NEB: variants seen among roughly 807,000 people sequenced by gnomAD.
NEB encodes the protein nebulin, also known as nemaline myopathy type 2.
In NEB, 512 loss-of-function variants were observed where a neutral mutation model predicts 952.2. The observed-to-expected ratio is 0.54, with a 90% confidence interval of 0.50 to 0.58. NEB has a LOEUF of 0.58. NEB is among the 20% of genes least tolerant of loss of function. The pLI, the probability that NEB is intolerant of heterozygous loss-of-function variation, is 0.00. For missense variants in NEB, 8,428 were observed against 9,231.1 expected (o/e 0.91, Z 3.56); for synonymous variants, 2,900 against 3,149.8 (o/e 0.92, Z 2.66).
At chr2:151,489,222 A>G (rs1209169383) in intron 181 of NEB, among the ~76,000 whole-genome samples, 1 of 152,218 alleles carries the variant, frequency 6.6e-6, no homozygotes, top group Non-Finnish European at 1.5e-5. Flanking sequence ...GATTGTTCAT[A>G]TCAATCCTAA....
intron 168 of NEB, among the ~76,000 whole-genome samples, chr2:151,500,524 A>AGAAG (rs2063622675): frequency 1.3e-5 from 2 of 151,894 alleles, no homozygotes; most frequent in East Asian, 3.9e-4. Flanking sequence ...AAAAAAAATC[A>AGAAG]GAAGGCCTGG....
intron 72 of NEB, 28 bp downstream of exon 72, chr2:151,620,891 G>C: frequency 6.5e-7 from 1 of 1,542,226 alleles, no homozygotes; most frequent in Non-Finnish European, 8.9e-7. Flanking sequence ...ATGATGGTAA[G>C]AAATGTTAGG....
rs375811851 is a variant in NEB, at chr2:151,633,695, C to T, written c.9373G>A (p.Asp3125Asn). The change falls in exon 65 of 182, where the codon GAT becomes AAT. Residue 3125 changes from aspartate to asparagine, a missense_variant. Physicochemically the swap from Asp to Asn is conservative, Grantham distance 23. Coordinates refer to ENST00000397345, the MANE Select transcript of NEB (RefSeq NM_001164508.2). ...TAGGCCTGCCGAGCATGGATGACAT[C>T]GCTCTGGTCAGGCAGGCATGTCCAC... is the stretch of plus-strand genomic sequence containing the variant. ...HEWTCLPDQS[D>N]VIHARQAYDL... 4.0e-5 allele frequency: 64 copies of T among 1,613,702 alleles called. No homozygotes were observed. Among genetic ancestry groups the T allele is most frequent in the African/African-American group, 5.3e-5 (4 of 74,918 alleles).
At chr2:151,688,568 G>A (rs1301096439) in intron 24 of NEB, among the ~76,000 whole-genome samples, 172 bp from the exon 25 acceptor site, 1 of 152,180 alleles carries the variant, frequency 6.6e-6, no homozygotes, top group African/African-American at 2.4e-5. Context: ...TTCAGGGACT[G>A]TGGCACAGTC....
At chr2:151,673,737 T>C (rs1345152053) in intron 36 of NEB, among the ~76,000 whole-genome samples, 20 of 145,854 alleles carry the variant, frequency 1.4e-4, no homozygotes, top group South Asian at 2.2e-4. Flanking sequence ...TTTTTCTTTT[T>C]TTTTTTTTTT....
At chr2:151,495,985 CAAAG>C (rs1334238824) in intron 173 of NEB, among the ~76,000 whole-genome samples, 14 of 152,118 alleles carry the variant, frequency 9.2e-5, no homozygotes, top group Non-Finnish European at 1.9e-4. Flanking sequence ...ATATCTAAAA[CAAAG>C]AGACCTTGGG....
intron 45 of NEB, 60 bp from the exon 46 acceptor site, chr2:151,662,401 T>C (rs1252447600): frequency 7.2e-7 from 1 of 1,395,836 alleles, no homozygotes. Context: ...GAATCCTAAG[T>C]GTGTGTTTAA....
Position 151,636,803 on chromosome 2 carries a change from A to C in NEB, c.8995-469T>G, listed in dbSNP as rs182850862. ...TCTCAAAAAACAAAACAAAACAAAA[A>C]AAAAAGATACCCATAAAGCCCAATG... On this transcript the variant is annotated intron_variant, in intron 63 of 181. Coordinates refer to ENST00000397345, the MANE Select transcript of NEB (RefSeq NM_001164508.2). 2.6e-3 allele frequency among the ~76,000 whole-genome samples: 394 copies of C among 152,254 alleles called. 1 individual carries two copies. Among genetic ancestry groups the C allele is most frequent in the Admixed American group, 4.1e-3 (63 of 15,290 alleles).
chr2:151,733,674 A>C (rs1055683987), intron 2 of NEB, 38 bp downstream of exon 2: 8 of 152,242 alleles, frequency 5.3e-5, no homozygotes, highest in African/African-American at 1.9e-4. Context: ...ACCCATAAAA[A>C]TACATCTGTC....
At chr2:151,704,094 T>C (rs1243202559) in intron 13 of NEB, among the ~76,000 whole-genome samples, 1 of 80,956 alleles carries the variant, frequency 1.2e-5, no homozygotes, top group Non-Finnish European at 2.4e-5. Context: ...GACCCTCAGC[T>C]GCAGGTCTGT....
intron 138 of NEB, among the ~76,000 whole-genome samples, chr2:151,538,714 G>A (rs2093621519): frequency 6.6e-6 from 1 of 151,682 alleles, no homozygotes; most frequent in South Asian, 2.1e-4. Flanking sequence ...AAGGGAAAAA[G>A]GTTTAGCTTC....
At chr2:151,660,401 G>T in intron 46 of NEB, among the ~76,000 whole-genome samples, 1 of 152,044 alleles carries the variant, frequency 6.6e-6, no homozygotes, top group South Asian at 2.1e-4. Flanking sequence ...CATATATAAG[G>T]ATTTCTATAG....
At position 151,503,335 on chromosome 2, in the gene NEB, A is replaced by G. The variant is rs754114947; in HGVS notation, c.23835+14T>C. On this transcript the variant is annotated intron_variant, in intron 166 of 181. Transcript: ENST00000397345. ...TATGGGAAATAGTTTCTTATATGAT[A>G]TATTTGTAAATACCGAGCTAAAGTT... 1 of 1,555,824 alleles carries G rather than the reference A, an allele frequency of 6.4e-7. No homozygotes were observed. Among genetic ancestry groups the G allele is most frequent in the Non-Finnish European group, 8.9e-7 (1 of 1,129,798 alleles).
At chr2:151,521,578 A>G (rs2082036068) in intron 153 of NEB, among the ~76,000 whole-genome samples, 1 of 152,220 alleles carries the variant, frequency 6.6e-6, no homozygotes, top group Non-Finnish European at 1.5e-5. Flanking sequence ...AGGGAAGAAA[A>G]GAAGCAAAAG....
intron 106 of NEB, 81 bp downstream of exon 106, chr2:151,576,070 T>C (rs2096819450): frequency 9.0e-7 from 1 of 1,116,474 alleles, no homozygotes; most frequent in Admixed American, 3.0e-5. Context: ...GTTTTTATTA[T>C]TCTAAAATAA....
intron 115 of NEB, 28 bp from the exon 116 acceptor site, chr2:151,565,633 A>G: frequency 6.4e-7 from 1 of 1,564,252 alleles, no homozygotes; most frequent in Non-Finnish European, 8.8e-7. Flanking sequence ...CAATTAAGAC[A>G]GGTCTACCAC....
intron 173 of NEB, 132 bp downstream of exon 173, chr2:151,496,144 A>G (rs114687041): frequency 0.014 from 14,283 of 1,044,938 alleles, 660 homozygotes; most frequent in East Asian, 0.14. Flanking sequence ...AAAGGAAAAA[A>G]GGGTAAATTT....
chr2:151,502,762 A>C, intron 167 of NEB, 31 bp downstream of exon 167: 1 of 1,038,662 alleles, frequency 9.6e-7, no homozygotes, highest in Admixed American at 2.0e-5. Context: ...AAATTAAGGG[A>C]TTTTTTTTTT....
chr2:151,679,765 T>G lies in NEB; in HGVS notation c.3211A>C (p.Ile1071Leu), dbSNP rs35194393. 82 of 1,576,746 alleles carry G rather than the reference T, an allele frequency of 5.2e-5. No homozygotes were observed. The Middle Eastern group carries it at 2.4e-3, about 46-fold the overall frequency. Reference protein sequence around the residue: ...KKGYDLRTDAIPIRAAKAARQ... With the variant: ...KKGYDLRTDALPIRAAKAARQ... ...GCAGCTTTGGCAGCTCTGATGGGAA[T>G]CGCATCAGTTCTCAGGTCATATCCC... The change falls in exon 32 of 182, where the codon ATT (isoleucine) becomes CTT (leucine). Residue 1071 changes from isoleucine to leucine, a missense_variant. Transcript: ENST00000397345.
Sources: gnomAD v4.1 joint callset for allele counts (sites outside exome capture counted in the v4.1 genomes callset) on GRCh38, gnomAD v4.1.1 for gene constraint, MANE v1.5 for transcripts, NCBI Gene and HGNC (gene_info 2026-07-23, HGNC 2026-07-21) for gene names.